Variants in CADM2 observed in about 807,000 individuals in gnomAD.
CADM2 encodes the protein immunoglobulin superfamily member 4D.
In CADM2, 12 loss-of-function variants were observed where a neutral mutation model predicts 49.8. The observed-to-expected ratio is 0.24, with a 90% CI of 0.15 to 0.39. The LOEUF (loss-of-function observed/expected upper bound fraction) is 0.39. CADM2 is among the 10% of genes least tolerant of loss of function. The pLI is 1.00. For synonymous variants in CADM2, 214 were observed against 175.4 expected, an observed-to-expected ratio of 1.22 and a Z score of -1.74; for missense variants, 378 against 492.3, an observed-to-expected ratio of 0.77 and a Z score of 2.20.
chr3:85,500,408 T>C (rs1200346125), intron 1 of CADM2, among the ~76,000 whole-genome samples: 1 of 152,182 alleles, frequency 6.6e-6, no homozygotes, highest in Non-Finnish European at 1.5e-5. Context: ...TATACTTTAA[T>C]TGGTAAAGTT....
In CADM2 at chr3:85,180,514, GAAAAA is replaced by G. The variant is rs58932967; in HGVS notation, c.61+220865_61+220869del. On this transcript the variant is annotated intron_variant, in intron 1 of 9. Coordinates refer to ENST00000383699, the MANE Select transcript of CADM2 (RefSeq NM_001167675.2). ...AAAGAGTGAGACCCTGTCTCAAAAA[GAAAAA>G]AAAAAAAAAAAAAAAAAAGAGAAGG... is the stretch of plus-strand genomic sequence containing the variant. Among the ~76,000 whole-genome samples, 15 of 77,296 alleles carry G rather than the reference GAAAAA, an allele frequency of 1.9e-4. No individual in the cohort carries two copies. In the East Asian group the frequency reaches 2.8e-3, roughly 14 times the overall value. 50.7% of individuals were successfully genotyped at this position (77,296 alleles called of 152,430 possible). A position where few individuals can be genotyped will look rare whatever the true frequency, so the allele number is the denominator to read the frequency against.
intron 1 of CADM2, among the ~76,000 whole-genome samples, chr3:85,070,246 T>C (rs1449641415): frequency 6.6e-6 from 1 of 152,146 alleles, no homozygotes; most frequent in South Asian, 2.1e-4. Flanking sequence ...TGGGCTAAAA[T>C]TATTAATTTT....
chr3:85,981,734 A>T (rs1356974009), intron 8 of CADM2, among the ~76,000 whole-genome samples: 1 of 151,582 alleles, frequency 6.6e-6, no homozygotes, highest in Non-Finnish European at 1.5e-5. Context: ...TATGTACCAC[A>T]TTTTCTTCAT....
At position 85,961,494 on chromosome 3, in the gene CADM2, G is replaced by C; in HGVS notation, c.817G>C (p.Asp273His). The stretch of plus-strand genomic sequence containing the variant: ...GCCAGAACCTGTTTTGTGGACAAAG[G>C]ATGGCGGAGAATTACCAGATCCTGA... ...PLPEPVLWTK[D>H]GGELPDPDRM... Residue 273 changes from aspartate to histidine, a missense_variant, in exon 8 of 10, where the codon GAT becomes CAT. By Grantham distance (81) the Asp-to-His change is moderately conservative (BLOSUM62 -1). Coordinates refer to ENST00000383699, the MANE Select transcript of CADM2 (RefSeq NM_001167675.2). 1 of 1,604,658 alleles carries C rather than the reference G, an allele frequency of 6.2e-7. No individual in the cohort carries two copies. The highest frequency in any genetic ancestry group is 8.5e-7 in the Non-Finnish European group (1 of 1,173,378).
rs562560862 is a variant in CADM2 at position 85,797,050 on chromosome 3, C to T, written c.89-4997C>T. On this transcript the variant is annotated intron_variant, in intron 2 of 9. Coordinates refer to ENST00000383699, the MANE Select transcript of CADM2 (RefSeq NM_001167675.2). ...CGGAGGTTGCAGTGAGCCAAGATTA[C>T]GCCACTGCACTCCAGCCTGGCAAGA... Among the ~76,000 whole-genome samples, 92 of 148,168 alleles carry T rather than the reference C, an allele frequency of 6.2e-4. 1 individual carries two copies. The highest frequency in any genetic ancestry group is 2.0e-3 in the African/African-American group (79 of 39,988).
intron 1 of CADM2, among the ~76,000 whole-genome samples, chr3:85,275,833 T>C (rs1576261891): frequency 6.6e-6 from 1 of 151,262 alleles, no homozygotes; most frequent in Admixed American, 6.6e-5. Flanking sequence ...TATTTTTCTT[T>C]TTGAATTTCA....
chr3:85,029,288 T>C (rs1039640689), intron 1 of CADM2, among the ~76,000 whole-genome samples: 31 of 152,178 alleles, frequency 2.0e-4, no homozygotes, highest in African/African-American at 7.2e-5. Flanking sequence ...ATCATGGACA[T>C]TTATGAGCTG....
chr3:85,846,714 T>A (rs2074897829), intron 3 of CADM2, among the ~76,000 whole-genome samples: 1 of 151,810 alleles, frequency 6.6e-6, no homozygotes, highest in East Asian at 1.9e-4. Flanking sequence ...ATTAAAAAAA[T>A]CAGCCGATGT....
intron 2 of CADM2, among the ~76,000 whole-genome samples, chr3:85,733,905 G>A (rs2068030894): frequency 6.6e-6 from 1 of 151,936 alleles, no homozygotes; most frequent in African/African-American, 2.4e-5. Context: ...TCTGTGTGGG[G>A]GTTTAGAAAG....
At chr3:86,060,721 C>T (rs1050411345) in intron 8 of CADM2, among the ~76,000 whole-genome samples, 42 of 152,186 alleles carry the variant, frequency 2.8e-4, no homozygotes, top group African/African-American at 6.5e-4. Context: ...CGGTGACTCA[C>T]GCCTGTAATC....
chr3:85,166,190 A>C (rs888214431), intron 1 of CADM2, among the ~76,000 whole-genome samples: 1 of 151,844 alleles, frequency 6.6e-6, no homozygotes, highest in Non-Finnish European at 1.5e-5. Context: ...GTAGAAAAGC[A>C]ATATATATGG....
At chr3:85,697,784 A>G (rs2066616726) in intron 1 of CADM2, among the ~76,000 whole-genome samples, 1 of 152,210 alleles carries the variant, frequency 6.6e-6, no homozygotes, top group African/African-American at 2.4e-5. Context: ...ATTATAGAAT[A>G]TAACAGATTT....
intron 1 of CADM2, among the ~76,000 whole-genome samples, chr3:85,409,475 G>T (rs763263830): frequency 1.3e-5 from 2 of 152,116 alleles, no homozygotes; most frequent in Non-Finnish European, 2.9e-5. Context: ...GGGTAAAAAT[G>T]CAGAGATATG....
intron 1 of CADM2, among the ~76,000 whole-genome samples, chr3:85,599,775 A>G (rs550779148): frequency 1.2e-4 from 18 of 152,094 alleles, no homozygotes; most frequent in Admixed American, 4.6e-4. Flanking sequence ...GAGAACAGCA[A>G]AAATAACGAT....
intron 1 of CADM2, among the ~76,000 whole-genome samples, chr3:85,260,968 T>A (rs900043452): frequency 6.6e-6 from 1 of 152,090 alleles, no homozygotes; most frequent in Non-Finnish European, 1.5e-5. Context: ...GCGCTCCAGT[T>A]TGAGTAACTG....
intron 2 of CADM2, among the ~76,000 whole-genome samples, chr3:85,776,398 T>G (rs1454820796): frequency 6.6e-6 from 1 of 151,846 alleles, no homozygotes; most frequent in Non-Finnish European, 1.5e-5. Flanking sequence ...ATGTTATTTT[T>G]ATGTCTCCAA....
rs999563297 is a variant in CADM2, at chr3:85,493,651, G to T, written c.62-232871G>T. On this transcript the variant is annotated intron_variant, in intron 1 of 9. Coordinates refer to ENST00000383699, the MANE Select transcript of CADM2 (RefSeq NM_001167675.2). ...AGAGTCCTAACAAAGTCAATTTGGG[G>T]CTTGCTACTCTAAATGATTCAGGCT... Among the ~76,000 whole-genome samples the T allele has an allele frequency of 5.3e-5, 8 of 152,156 alleles. No homozygotes were observed. The East Asian group carries it at 1.5e-3, about 29-fold the overall frequency.
At chr3:85,326,155 C>G (rs867036511) in intron 1 of CADM2, among the ~76,000 whole-genome samples, 18 of 152,100 alleles carry the variant, frequency 1.2e-4, no homozygotes, top group African/African-American at 4.3e-4. Flanking sequence ...AAATATTTCT[C>G]AGAGACTGAA....
intron 8 of CADM2, among the ~76,000 whole-genome samples, chr3:86,046,288 T>C (rs935968554): frequency 6.6e-6 from 1 of 152,214 alleles, no homozygotes; most frequent in Non-Finnish European, 1.5e-5. Flanking sequence ...TTTAGAAGTA[T>C]TTTAATTGTA....
Sources: gnomAD v4.1 joint callset for allele counts (sites outside exome capture counted in the v4.1 genomes callset) on GRCh38, gnomAD v4.1.1 for gene constraint, MANE v1.5 for transcripts, NCBI Gene and HGNC (gene_info 2026-07-23, HGNC 2026-07-21) for gene names.